The following CNBD1 variants were observed in gnomAD, a reference collection of about 807,000 sequenced individuals.
CNBD1 encodes cyclic nucleotide-binding domain-containing protein 1.
A neutral mutation model predicts 54.4 loss-of-function variants in CNBD1; 71 were observed. The ratio of observed to expected loss-of-function variants is 1.30; its 90% confidence interval spans 1.08 to 1.59. The LOEUF (loss-of-function observed/expected upper bound fraction) is 1.59, where lower values mean the gene tolerates loss of function less well. Ranked by LOEUF, CNBD1 falls within the 40% of genes most tolerant of loss-of-function variation. The pLI is 0.00. For missense variants in CNBD1, 659 were observed against 518.0 expected (o/e 1.27, Z -2.64); for synonymous variants, 182 against 170.7 (o/e 1.07, Z -0.51).
chr8:87,134,753 T>C (rs1300034827), intron 4 of CNBD1, among the ~76,000 whole-genome samples: 8 of 151,208 alleles, frequency 5.3e-5, no homozygotes, highest in Admixed American at 1.3e-4. Context: ...CAGGCGCCAG[T>C]CACCATGCCA....
At position 87,414,366 on chromosome 8, in the gene CNBD1, C is replaced by G. The variant is rs145701485; in HGVS notation, c.214-14180C>G. Among the ~76,000 whole-genome samples, 1,343 of 152,048 alleles carry G rather than the reference C, an allele frequency of 8.8e-3. 34 individuals are homozygous for G. Among genetic ancestry groups the G allele is most frequent in the African/African-American group, 0.031 (1,274 of 41,446 alleles). On this transcript the variant is annotated intron_variant, in intron 2 of 7. Coordinates refer to the CNBD1 transcript ENST00000521593. ...GAAGGGGAACATCACACTCCAGGGACTGTTGTGGGGTGGGGAGAGGTGGGA... is the reference window on the plus strand; with the variant it reads ...GAAGGGGAACATCACACTCCAGGGAGTGTTGTGGGGTGGGGAGAGGTGGGA...
intron 4 of CNBD1, among the ~76,000 whole-genome samples, chr8:87,141,148 T>A (rs966210170): frequency 1.3e-5 from 2 of 152,134 alleles, no homozygotes; most frequent in Non-Finnish European, 2.9e-5. Context: ...TTAGTAGAAA[T>A]ACCCTTAGTT....
chr8:87,040,600 A>T (rs1810047098), intron 4 of CNBD1, among the ~76,000 whole-genome samples: 1 of 150,458 alleles, frequency 6.6e-6, no homozygotes, highest in Non-Finnish European at 1.5e-5. Context: ...ATTTTTTTGT[A>T]TTTTTAGTAG....
chr8:87,056,172 T>G (rs1385659660), intron 4 of CNBD1, among the ~76,000 whole-genome samples: 1 of 152,130 alleles, frequency 6.6e-6, no homozygotes, highest in Non-Finnish European at 1.5e-5. Context: ...GAAGCATTGT[T>G]AGCCTATACA....
intron 4 of CNBD1, among the ~76,000 whole-genome samples, chr8:87,006,927 C>T (rs575061570): frequency 9.8e-5 from 15 of 152,306 alleles, no homozygotes; most frequent in Admixed American, 3.9e-4. Flanking sequence ...CCGGGTGCCG[C>T]GGCTCACGCC....
At chr8:87,314,260 C>A (rs1166863336) in intron 8 of CNBD1, among the ~76,000 whole-genome samples, 1 of 151,680 alleles carries the variant, frequency 6.6e-6, no homozygotes, top group Admixed American at 6.6e-5. Context: ...AAGAATGGCA[C>A]ACCCAAAACA....
chr8:87,310,761 G>A (rs990772394), intron 8 of CNBD1, among the ~76,000 whole-genome samples: 3 of 152,094 alleles, frequency 2.0e-5, no homozygotes, highest in Non-Finnish European at 4.4e-5. Context: ...AACCAAAACA[G>A]CATGGAACTG....
chr8:87,031,577 T>G (rs1809792306), intron 4 of CNBD1, among the ~76,000 whole-genome samples: 1 of 152,198 alleles, frequency 6.6e-6, no homozygotes, highest in African/African-American at 2.4e-5. Flanking sequence ...ATTTAGCATC[T>G]GTATTCTGCA....
At chr8:87,423,617 G>T (rs1357424079) in intron 2 of CNBD1, among the ~76,000 whole-genome samples, 2 of 147,432 alleles carry the variant, frequency 1.4e-5, no homozygotes, top group African/African-American at 2.6e-5. Flanking sequence ...TGCATCCCAG[G>T]GATGAAGCCC....
chr8:87,081,567 G>A (rs572020343), intron 4 of CNBD1, among the ~76,000 whole-genome samples: 4 of 150,528 alleles, frequency 2.7e-5, no homozygotes, highest in South Asian at 2.1e-4. Context: ...GTGCAGTGGC[G>A]CGACCTCGGC....
At chr8:86,970,867 C>T (rs767014296) in intron 4 of CNBD1, among the ~76,000 whole-genome samples, 2 of 152,070 alleles carry the variant, frequency 1.3e-5, no homozygotes, top group Non-Finnish European at 2.9e-5. Flanking sequence ...CTGAAGGGCA[C>T]CTAGGTTGAT....
intron 8 of CNBD1, among the ~76,000 whole-genome samples, chr8:87,345,107 A>T (rs1810143158): frequency 6.6e-6 from 1 of 152,194 alleles, no homozygotes; most frequent in African/African-American, 2.4e-5. Context: ...ACACAAAGTC[A>T]TTTAACTACT....
chr8:87,118,848 G>A (rs1450270289), intron 4 of CNBD1, among the ~76,000 whole-genome samples: 1 of 152,144 alleles, frequency 6.6e-6, no homozygotes, highest in African/African-American at 2.4e-5. Context: ...TTGGCAGAAG[G>A]CCCTACATAT....
intron 4 of CNBD1, among the ~76,000 whole-genome samples, chr8:87,154,430 T>C (rs1318645792): frequency 6.6e-6 from 1 of 152,152 alleles, no homozygotes; most frequent in Non-Finnish European, 1.5e-5. Context: ...ACGTGTCCAG[T>C]GGCTTAGAAG....
At chr8:87,041,417 G>A (rs1810065641) in intron 4 of CNBD1, among the ~76,000 whole-genome samples, 1 of 152,138 alleles carries the variant, frequency 6.6e-6, no homozygotes, top group Non-Finnish European at 1.5e-5. Flanking sequence ...AACCACGTCG[G>A]TGTGAAATAA....
At chr8:87,253,353 T>C (rs1807947413) in intron 6 of CNBD1, among the ~76,000 whole-genome samples, 1 of 152,128 alleles carries the variant, frequency 6.6e-6, no homozygotes, top group Admixed American at 6.6e-5. Flanking sequence ...GTTTCTTCCC[T>C]GGCATCCTCT....
At chr8:87,190,603 C>T (rs1003525196) in intron 4 of CNBD1, among the ~76,000 whole-genome samples, 1 of 152,076 alleles carries the variant, frequency 6.6e-6, no homozygotes, top group African/African-American at 2.4e-5. Context: ...TTGATCTTAA[C>T]TCAGAGGTAG....
intron 4 of CNBD1, among the ~76,000 whole-genome samples, chr8:87,123,746 A>G (rs1811935410): frequency 6.6e-6 from 1 of 151,748 alleles, no homozygotes; most frequent in African/African-American, 2.4e-5. Flanking sequence ...TTGAAAAGGT[A>G]AACAATATGG....
intron 4 of CNBD1, among the ~76,000 whole-genome samples, chr8:87,029,107 G>A (rs1809722975): frequency 6.6e-6 from 1 of 152,106 alleles, no homozygotes; most frequent in Non-Finnish European, 1.5e-5. Flanking sequence ...TTCAATAGAA[G>A]GTGATTTGGG....
Sources: gnomAD v4.1 joint callset for allele counts (sites outside exome capture counted in the v4.1 genomes callset) on GRCh38, gnomAD v4.1.1 for gene constraint, MANE v1.5 for transcripts, NCBI Gene and HGNC (gene_info 2026-07-23, HGNC 2026-07-21) for gene names.